Variants in MYLK observed in about 807,000 individuals in gnomAD.
MYLK encodes myosin light chain kinase, smooth muscle.
In MYLK, 106 loss-of-function variants were observed where a neutral mutation model predicts 203.4. That is an observed-to-expected ratio of 0.52 (90% CI 0.45 to 0.61). MYLK has a LOEUF of 0.61. Among genes scored for constraint, MYLK ranks in the 20% least tolerant of loss-of-function variants. MYLK has a pLI of 0.00. For missense variants in MYLK, 2,072 were observed against 2,442.3 expected (o/e 0.85, Z 3.20); for synonymous variants, 867 against 959.5 (o/e 0.90, Z 1.78).
chr3:123,626,763 TG>T lies in MYLK; in HGVS notation c.5238+54del, dbSNP rs1281790903. The T allele has an allele frequency of 7.4e-6, 12 of 1,613,314 alleles. No individual in the cohort carries two copies. In the Admixed American group the frequency reaches 2.0e-4, roughly 27 times the overall value. The stretch of plus-strand genomic sequence containing the variant: ...GGGCAAGCTGGGAATGAAAGTGGCT[TG>T]AACAACACAAATATGAGGGGCAACA... On this transcript the variant is annotated intron_variant, in intron 31 of 33. Transcript: ENST00000360304.
intron 11 of MYLK, 44 bp from the exon 12 acceptor site, chr3:123,726,122 A>C (rs2108757793): frequency 1.2e-6 from 2 of 1,612,108 alleles, no homozygotes; most frequent in East Asian, 4.5e-5. Context: ...CAGCTTGCCC[A>C]CTCTGGTGAT....
At chr3:123,758,113 A>T (rs1349824617) in intron 4 of MYLK, among the ~76,000 whole-genome samples, 2 of 152,130 alleles carry the variant, frequency 1.3e-5, no homozygotes, top group Non-Finnish European at 2.9e-5. Context: ...GAAAATGTCT[A>T]TAAAACTTAC....
chr3:123,792,751 C>T (rs1417725038), intron 4 of MYLK, among the ~76,000 whole-genome samples: 3 of 152,196 alleles, frequency 2.0e-5, no homozygotes, highest in African/African-American at 7.2e-5. Flanking sequence ...CAGCCCTCAT[C>T]CTGGTAGTGC....
intron 31 of MYLK, chr3:123,621,898 C>T (rs1442722683): frequency 2.0e-5 from 3 of 152,324 alleles, no homozygotes; most frequent in Non-Finnish European, 4.4e-5. Context: ...GAGATGAAAA[C>T]TGAACAACTT....
intron 4 of MYLK, among the ~76,000 whole-genome samples, chr3:123,757,317 C>T (rs2063387360): frequency 6.6e-6 from 1 of 152,192 alleles, no homozygotes; most frequent in Non-Finnish European, 1.5e-5. Flanking sequence ...GCAACATATC[C>T]ATCTTCTCCA....
chr3:123,693,564 G>A (rs1161893955), intron 18 of MYLK: 1 of 153,544 alleles, frequency 6.5e-6, no homozygotes, highest in Non-Finnish European at 1.5e-5. Flanking sequence ...CCAGAGAGAA[G>A]TGGGGATGGC....
At chr3:123,772,315 CTCTA>C (rs918363271) in intron 4 of MYLK, among the ~76,000 whole-genome samples, 5 of 151,996 alleles carry the variant, frequency 3.3e-5, no homozygotes, top group African/African-American at 1.2e-4. Context: ...CTAAAACAAA[CTCTA>C]TACATAAGAC....
intron 33 of MYLK, chr3:123,618,033 C>T: frequency 6.3e-6 from 1 of 157,958 alleles, no homozygotes; most frequent in Non-Finnish European, 1.4e-5. Flanking sequence ...TCTGTACCTG[C>T]CAGTCCCACA....
In MYLK at chr3:123,738,974, C is replaced by G; in HGVS notation, c.511G>C (p.Val171Leu). 4 of 1,613,644 alleles carry G rather than the reference C, an allele frequency of 2.5e-6. No homozygotes were observed. The highest frequency in any genetic ancestry group is 3.4e-6 in the Non-Finnish European group (4 of 1,179,830). The part of the protein sequence containing the change: ...PKFATKLGRV[V>L]VKEGQMGRFS... ...CGTCCCATCTGTCCTTCTTTGACCACAACTCGGCCCAGCTTGGTAGCAAAC... is the reference window on the plus strand; with the variant it reads ...CGTCCCATCTGTCCTTCTTTGACCAGAACTCGGCCCAGCTTGGTAGCAAAC... Residue 171 changes from valine to leucine, a missense_variant, in exon 7 of 34, where the codon GTG becomes CTG. By Grantham distance (32) the Val-to-Leu change is conservative. Transcript: ENST00000360304.
At chr3:123,687,093 G>A (rs144041530) in intron 19 of MYLK, among the ~76,000 whole-genome samples, 175 of 152,206 alleles carry the variant, frequency 1.1e-3, no homozygotes, top group African/African-American at 4.0e-3. Context: ...GTGTTGGCGG[G>A]TGCCTGTAAC....
chr3:123,782,440 T>G (rs2064334535), intron 4 of MYLK, among the ~76,000 whole-genome samples: 1 of 152,234 alleles, frequency 6.6e-6, no homozygotes, highest in Non-Finnish European at 1.5e-5. Flanking sequence ...GAGGCTCAAC[T>G]CACATTGGTC....
intron 3 of MYLK, among the ~76,000 whole-genome samples, chr3:123,801,237 T>G (rs2065184614): frequency 6.6e-6 from 1 of 152,184 alleles, no homozygotes; most frequent in African/African-American, 2.4e-5. Flanking sequence ...CAAAAATAAC[T>G]TGGACCTCAA....
intron 2 of MYLK, among the ~76,000 whole-genome samples, chr3:123,842,202 T>C (rs1471538893): frequency 3.3e-5 from 5 of 152,090 alleles, no homozygotes; most frequent in Admixed American, 3.3e-4. Flanking sequence ...AAAAATAAGT[T>C]AGGCAAAAAC....
intron 12 of MYLK, among the ~76,000 whole-genome samples, chr3:123,725,256 C>T (rs1456549150): frequency 6.6e-6 from 1 of 152,212 alleles, no homozygotes; most frequent in Non-Finnish European, 1.5e-5. Context: ...GGGATCCCCA[C>T]AGTAGTCCCT....
At chr3:123,878,962 A>C (rs2148725837) in intron 1 of MYLK, among the ~76,000 whole-genome samples, 1 of 152,354 alleles carries the variant, frequency 6.6e-6, no homozygotes, top group South Asian at 2.1e-4. Context: ...CTGGGATTAC[A>C]AGCGTGAACC....
chr3:123,730,637 A>T (rs2062444314), intron 11 of MYLK, among the ~76,000 whole-genome samples: 1 of 152,236 alleles, frequency 6.6e-6, no homozygotes, highest in Non-Finnish European at 1.5e-5. Context: ...TTAAGCTAAG[A>T]GAAAGAAGCC....
intron 29 of MYLK, among the ~76,000 whole-genome samples, chr3:123,631,024 A>G (rs1432516362): frequency 6.6e-6 from 1 of 152,118 alleles, no homozygotes; most frequent in Non-Finnish European, 1.5e-5. Context: ...GATTCTCAAT[A>G]AGGTTTGAAC....
Position 123,793,381 on chromosome 3 carries a change from C to T in MYLK, c.165+296G>A, listed in dbSNP as rs934803952. 7.2e-5 allele frequency among the ~76,000 whole-genome samples: 11 copies of T among 152,154 alleles called. No homozygotes were observed. The East Asian group carries it at 7.7e-4, about 11-fold the overall frequency. On this transcript the variant is annotated intron_variant, in intron 4 of 33. Transcript: ENST00000360304. ...CTGTATTCTTCCTGCCACCGGACCG[C>T]GTCTTCTTTTTCTGTAATTATATAG...
chr3:123,788,689 A>T (rs7621779), intron 4 of MYLK, among the ~76,000 whole-genome samples: 8,118 of 152,196 alleles, frequency 0.053, 688 homozygotes, highest in African/African-American at 0.18. Flanking sequence ...ACACTATTGT[A>T]TAAAGTGGAA....
Sources: gnomAD v4.1 joint callset for allele counts (sites outside exome capture counted in the v4.1 genomes callset) on GRCh38, gnomAD v4.1.1 for gene constraint, MANE v1.5 for transcripts, NCBI Gene and HGNC (gene_info 2026-07-23, HGNC 2026-07-21) for gene names.